The following NDUFA8 variants were observed in gnomAD, a reference collection of about 807,000 sequenced individuals.
The protein encoded by NDUFA8 is NADH dehydrogenase [ubiquinone] 1 alpha subcomplex subunit 8.
In NDUFA8, 16 loss-of-function variants were observed where a neutral mutation model predicts 20.9. The observed-to-expected ratio is 0.77, with a 90% CI of 0.52 to 1.16. NDUFA8 has a LOEUF of 1.16. Ranked by LOEUF, NDUFA8 falls within the 50% of genes most tolerant of loss-of-function variation. NDUFA8 has a pLI of 0.00. For synonymous variants in NDUFA8, 70 were observed against 76.1 expected, an observed-to-expected ratio of 0.92 and a Z score of 0.41; for missense variants, 202 against 216.4, an observed-to-expected ratio of 0.93 and a Z score of 0.42.
Position 122,148,259 on chromosome 9 carries a change from A to C in NDUFA8, c.234T>G (p.Cys78Trp). The change falls in exon 3 of 4, where the codon TGT becomes TGG. Residue 78 changes from cysteine (C) to tryptophan (W), a missense_variant. By Grantham distance (215) the Cys-to-Trp change is radical. Transcript: ENST00000373768. ...TCCAATATTCTGTAAAAGGCTCTGC[A>C]CAGTGACGTTTTATCTGCCTGGAAA... ...LDFFRQIKRH[C>W]AEPFTEYWTC... The C allele has an allele frequency of 6.2e-7, 1 of 1,614,228 alleles. No individual in the cohort carries two copies. The highest frequency in any genetic ancestry group is 8.5e-7 in the Non-Finnish European group (1 of 1,180,032).
chr9:122,135,881 G>GC, the NDUFA8 span, among the ~76,000 whole-genome samples: 5 of 152,214 alleles, frequency 3.3e-5, no homozygotes, highest in Admixed American at 2.0e-4. Context: ...GAGCCACCAT[G>GC]CCCGGCCTAG....
intron 2 of NDUFA8, among the ~76,000 whole-genome samples, chr9:122,149,408 G>A (rs1471957000): frequency 6.6e-6 from 1 of 152,174 alleles, no homozygotes; most frequent in Non-Finnish European, 1.5e-5. Flanking sequence ...TTTCCAATGG[G>A]AGTTTTATAT....
At chr9:122,133,647 G>A in the NDUFA8 span, among the ~76,000 whole-genome samples, 1 of 152,168 alleles carries the variant, frequency 6.6e-6, no homozygotes, top group African/African-American at 2.4e-5. Context: ...GAATGGACTG[G>A]CAGAGAGGAG....
At chr9:122,136,445 T>TA in the NDUFA8 span, among the ~76,000 whole-genome samples, 149,680 of 152,350 alleles carry the variant, frequency 0.98, 73,538 homozygotes, top group East Asian at 1. Context: ...AATGGCATCT[T>TA]TTATGGTTTT....
Position 122,144,164 on chromosome 9 carries a change from A to G in NDUFA8, c.*77T>C. ...GTGATCCCGGAAAGAACACACTATC[A>G]GTCGATGCAAACCGCATGGGCGTTT... On this transcript the variant is annotated 3_prime_UTR_variant, in exon 4 of 4. Coordinates refer to ENST00000373768, the MANE Select transcript of NDUFA8 (RefSeq NM_014222.3). The G allele has an allele frequency of 6.2e-7, 1 of 1,610,818 alleles. No individual in the cohort carries two copies. The highest frequency in any genetic ancestry group is 8.5e-7 in the Non-Finnish European group (1 of 1,179,426).
Position 122,144,181 on chromosome 9 carries a change from T to TGGGCGTTTTCATC in NDUFA8, c.*47_*59dup. 2 of 1,612,102 alleles carry TGGGCGTTTTCATC rather than the reference T, an allele frequency of 1.2e-6. No homozygotes were observed. The highest frequency in any genetic ancestry group is 2.2e-5 in the East Asian group (1 of 44,876). ...ACACTATCAGTCGATGCAAACCGCA[T>TGGGCGTTTTCATC]GGGCGTTTTCATCAGTCGTTGTCTG... On this transcript the variant is annotated 3_prime_UTR_variant, in exon 4 of 4. Transcript: ENST00000373768.
downstream of NDUFA8, among the ~76,000 whole-genome samples, chr9:122,141,806 A>C (rs1421565528): frequency 6.6e-6 from 1 of 152,220 alleles, no homozygotes; most frequent in African/African-American, 2.4e-5. Flanking sequence ...TTAATTACTT[A>C]GACTCTTCTG....
At chr9:122,151,163 G>T (rs1453545503) in intron 2 of NDUFA8, among the ~76,000 whole-genome samples, 2 of 152,126 alleles carry the variant, frequency 1.3e-5, no homozygotes, top group Non-Finnish European at 2.9e-5. Context: ...CTGTGCTAAG[G>T]TATCTATTTT....
chr9:122,151,155 G>A (rs753572004), intron 2 of NDUFA8, among the ~76,000 whole-genome samples: 28 of 152,272 alleles, frequency 1.8e-4, no homozygotes, highest in Non-Finnish European at 4.0e-4. Flanking sequence ...AGCAGCTACT[G>A]TGCTAAGGTA....
chr9:122,134,356 G>C, the NDUFA8 span, among the ~76,000 whole-genome samples: 13 of 152,224 alleles, frequency 8.5e-5, no homozygotes, highest in Middle Eastern at 3.4e-3. Flanking sequence ...ATAGCTGTGT[G>C]ACCCGCGATA....
At chr9:122,155,699 C>T (rs1373002003) in intron 1 of NDUFA8, among the ~76,000 whole-genome samples, 1 of 152,124 alleles carries the variant, frequency 6.6e-6, no homozygotes, top group Admixed American at 6.5e-5. Context: ...AAAACTAACA[C>T]TCAAACTTTT....
At chr9:122,135,769 T>C in the NDUFA8 span, among the ~76,000 whole-genome samples, 6 of 152,142 alleles carry the variant, frequency 3.9e-5, no homozygotes, top group Non-Finnish European at 7.3e-5. Flanking sequence ...TTTTCATTTC[T>C]GGAGAGGTGG....
At chr9:122,153,327 G>C (rs1829032562) in intron 1 of NDUFA8, among the ~76,000 whole-genome samples, 1 of 149,100 alleles carries the variant, frequency 6.7e-6, no homozygotes, top group Non-Finnish European at 1.5e-5. Flanking sequence ...ACTCCCAGAG[G>C]ACTACGGAGT....
At chr9:122,153,955 T>C (rs1358980092) in intron 1 of NDUFA8, among the ~76,000 whole-genome samples, 2 of 152,186 alleles carry the variant, frequency 1.3e-5, no homozygotes, top group Admixed American at 1.3e-4. Context: ...GGTCTTAGCA[T>C]TCATGTGCTA....
chr9:122,138,872 G>T, the NDUFA8 span, among the ~76,000 whole-genome samples: 5 of 141,596 alleles, frequency 3.5e-5, no homozygotes. Flanking sequence ...AGGTGGGGGG[G>T]GGGCCATCTG....
chr9:122,145,488 C>A (rs1384227044), intron 3 of NDUFA8, among the ~76,000 whole-genome samples: 4 of 152,220 alleles, frequency 2.6e-5, no homozygotes, highest in African/African-American at 9.6e-5. Flanking sequence ...TCTGATTATT[C>A]TTCTACTGGG....
intron 1 of NDUFA8, among the ~76,000 whole-genome samples, 174 bp downstream of exon 1, chr9:122,159,453 G>C (rs12336139): frequency 6.6e-6 from 1 of 152,112 alleles, no homozygotes; most frequent in African/African-American, 2.4e-5. Flanking sequence ...GGTAGAGAGG[G>C]GAGGCGACTC....
At chr9:122,158,852 T>G (rs533208117) in intron 1 of NDUFA8, among the ~76,000 whole-genome samples, 1 of 151,804 alleles carries the variant, frequency 6.6e-6, no homozygotes, top group East Asian at 1.9e-4. Context: ...CTGGGAGGAT[T>G]CAATGAATTA....
the NDUFA8 span, among the ~76,000 whole-genome samples, chr9:122,134,316 T>C: frequency 6.6e-6 from 1 of 152,146 alleles, no homozygotes; most frequent in East Asian, 1.9e-4. Context: ...CAAAACTGGG[T>C]TTAAATCCCA....
Sources: gnomAD v4.1 joint callset for allele counts (sites outside exome capture counted in the v4.1 genomes callset) on GRCh38, gnomAD v4.1.1 for gene constraint, MANE v1.5 for transcripts, NCBI Gene and HGNC (gene_info 2026-07-23, HGNC 2026-07-21) for gene names.